Variants in CLCN7 observed in about 807,000 individuals in gnomAD.
CLCN7 encodes the protein Cl-/H+ antiporter 7, also known as H(+)/Cl(-) exchange transporter 7.
Under a neutral mutation model 102.1 loss-of-function variants are expected in CLCN7, and 60 were observed. The observed-to-expected ratio is 0.59, with a 90% CI of 0.48 to 0.73. The LOEUF (loss-of-function observed/expected upper bound fraction) is 0.73. Ranked by LOEUF, CLCN7 falls within the 30% of genes least tolerant of loss-of-function variation. The pLI is 0.00. For missense variants in CLCN7, 962 were observed against 1,125.7 expected, an observed-to-expected ratio of 0.85 and a Z score of 2.08; for synonymous variants, 560 against 490.5, an observed-to-expected ratio of 1.14 and a Z score of -1.87.
intron 1 of CLCN7, among the ~76,000 whole-genome samples, chr16:1,470,332 C>G (rs1439239331): frequency 1.3e-5 from 2 of 152,196 alleles, no homozygotes; most frequent in African/African-American, 4.8e-5. Context: ...TTCTTTACCA[C>G]AGTTTTTTTT....
chr16:1,457,317 T>C lies in CLCN7; in HGVS notation c.759A>G (p.Ser253=). 6.2e-7 allele frequency: 1 copy of C among 1,613,966 alleles called. No individual in the cohort carries two copies. Among genetic ancestry groups the C allele is most frequent in the Non-Finnish European group, 8.5e-7 (1 of 1,180,022 alleles). ...AVGKEGPMIH[S]GSVIAAGISQ... ...AGATCCCGGCGGCAATCACTGAACCTGAGTGGATCATCGGCCCTTCCTGGA... is the reference window on the plus strand; with the variant it reads ...AGATCCCGGCGGCAATCACTGAACCCGAGTGGATCATCGGCCCTTCCTGGA... Residue 253 remains serine (S), a synonymous_variant, in exon 9 of 25, where the codon TCA becomes TCG. Coordinates refer to ENST00000382745, the MANE Select transcript of CLCN7 (RefSeq NM_001287.6). The surrounding 1 kb of genome is among the most constrained non-coding windows in gnomAD (Gnocchi z 5.4).
At chr16:1,461,015 C>A in intron 4 of CLCN7, 67 bp from the exon 5 acceptor site, 1 of 1,576,676 alleles carries the variant, frequency 6.3e-7, no homozygotes, top group Non-Finnish European at 8.6e-7. Context: ...AGCAGCAGGA[C>A]CGCCCAGACC....
At chr16:1,451,118 G>A (rs926933187) in intron 16 of CLCN7, among the ~76,000 whole-genome samples, 3 of 152,238 alleles carry the variant, frequency 2.0e-5, no homozygotes, top group Middle Eastern at 3.2e-3. Flanking sequence ...GTGAAAGGCC[G>A]GCACTCCAAG....
chr16:1,474,552 G>A (rs1393883772), intron 1 of CLCN7, among the ~76,000 whole-genome samples: 3 of 152,292 alleles, frequency 2.0e-5, no homozygotes, highest in South Asian at 4.1e-4. Context: ...CGGCTGCCCC[G>A]GCGCCCCTCA....
At position 1,457,636 on chromosome 16, in the gene CLCN7, C is replaced by T. The variant is rs1344712413; in HGVS notation, c.738+58G>A. On this transcript the variant is annotated intron_variant, in intron 8 of 24. Transcript: ENST00000382745. The surrounding 1 kb of genome is among the most constrained non-coding windows in gnomAD (Gnocchi z 5.4). ...TCAGAGACACACATGGGCGTGGCGG[C>T]CCTCGCGGGCCCGGCGGCCTCAGGC... 6.4e-7 allele frequency: 1 copy of T among 1,572,592 alleles called. No individual in the cohort carries two copies. Among genetic ancestry groups the T allele is most frequent in the East Asian group, 2.2e-5 (1 of 44,546 alleles).
At chr16:1,449,538 C>T in intron 17 of CLCN7, 1 of 608,794 alleles carries the variant, frequency 1.6e-6, no homozygotes, top group Non-Finnish European at 2.9e-6. Flanking sequence ...AGCACCCGAG[C>T]AACAGGGGAG....
chr16:1,459,400 G>T, intron 6 of CLCN7: 1 of 519,142 alleles, frequency 1.9e-6, no homozygotes, highest in South Asian at 2.1e-5. Flanking sequence ...GCACACGTCG[G>T]GGCCCCAGGG....
At position 1,457,974 on chromosome 16, in the gene CLCN7, T is replaced by C. The variant is rs886493737; in HGVS notation, c.676-218A>G. ...GCACTCACTCGGGGGACCTGCCCTC[T>C]GTGGCCTCAGCACTGAGCAGGCAAG... On this transcript the variant is annotated intron_variant, in intron 7 of 24. Transcript: ENST00000382745. The surrounding 1 kb of genome is among the most constrained non-coding windows in gnomAD (Gnocchi z 5.4). Among the ~76,000 whole-genome samples the C allele has an allele frequency of 2.6e-5, 4 of 152,202 alleles. No homozygotes were observed. Among genetic ancestry groups the C allele is most frequent in the African/African-American group, 9.6e-5 (4 of 41,466 alleles).
Position 1,457,822 on chromosome 16 carries a change from A to G in CLCN7, c.676-66T>C, listed in dbSNP as rs2142383083. 2.0e-6 allele frequency: 3 copies of G among 1,485,780 alleles called. No individual in the cohort carries two copies. The highest frequency in any genetic ancestry group is 1.4e-5 in the African/African-American group (1 of 72,660). The allele number at this position is 1,485,780 out of a possible 1,614,324, so 92.0% of individuals were successfully genotyped here. On this transcript the variant is annotated intron_variant, in intron 7 of 24. Coordinates refer to ENST00000382745, the MANE Select transcript of CLCN7 (RefSeq NM_001287.6). This position sits in a 1 kb window ranked among gnomAD's most constrained non-coding sequence, Gnocchi z 5.4. ...GGCGCTGTCTTTGGACCTGAGCCGT[A>G]AAACAGCACACACAGCCCCGATCAG... is the stretch of plus-strand genomic sequence containing the variant.
chr16:1,460,554 GCTTCCCC>G, intron 5 of CLCN7, 27 bp from the exon 6 acceptor site: 1 of 1,573,690 alleles, frequency 6.4e-7, no homozygotes, highest in Non-Finnish European at 8.7e-7. Context: ...AGGGCTGGCT[GCTTCCCC>G]GTCATGACCA....
intron 2 of CLCN7, among the ~76,000 whole-genome samples, chr16:1,462,101 A>G (rs2744995): frequency 0.42 from 63,331 of 150,686 alleles, 13,638 homozygotes; most frequent in Non-Finnish European, 0.45. Flanking sequence ...AAAAAAAAAA[A>G]AGAGAACTAC....
At chr16:1,451,953 G>A (rs1205484609) in intron 15 of CLCN7, 16 of 530,392 alleles carry the variant, frequency 3.0e-5, no homozygotes, top group Non-Finnish European at 5.6e-5. Context: ...GCCCAGCAGG[G>A]GGCCGTGTCT....
At chr16:1,461,732 C>CCCCTCT in intron 2 of CLCN7, 58 bp from the exon 3 acceptor site, 1 of 1,404,764 alleles carries the variant, frequency 7.1e-7, no homozygotes, top group South Asian at 1.2e-5. Flanking sequence ...AGGAGAGAGG[C>CCCCTCT]CCCTCTCAGC....
intron 1 of CLCN7, chr16:1,474,038 C>G (rs989422973): frequency 7.1e-6 from 3 of 420,412 alleles, no homozygotes; most frequent in Non-Finnish European, 1.4e-5. Flanking sequence ...GAGCCGAGAT[C>G]GCGCCATTGC....
chr16:1,446,075 C>T lies in CLCN7; in HGVS notation c.*556G>A. On this transcript the variant is annotated 3_prime_UTR_variant, in exon 25 of 25. Coordinates refer to ENST00000382745, the MANE Select transcript of CLCN7 (RefSeq NM_001287.6). ...TCTGTGGCGCCAGTGTGAAGCTGCT[C>T]TCCGGGGCGGTCGCAGCCTCCAAAC... 6.8e-6 allele frequency: 4 copies of T among 590,398 alleles called. No homozygotes were observed. Among genetic ancestry groups the T allele is most frequent in the Non-Finnish European group, 3.0e-6 (1 of 333,022 alleles). The allele number at this position is 590,398 out of a possible 1,614,324, so 36.6% of individuals were successfully genotyped here.
chr16:1,452,900 C>T lies in CLCN7; in HGVS notation c.1215-7G>A. On this transcript the variant is annotated splice_polypyrimidine_tract_variant and splice_region_variant and intron_variant, in intron 14 of 24. Coordinates refer to ENST00000382745, the MANE Select transcript of CLCN7 (RefSeq NM_001287.6). ...GCAGGGCCGGTGGATGTACCTGGAA[C>T]CAAGAATCAGGCTGCATGGCAGGCA... is the stretch of plus-strand genomic sequence containing the variant. The T allele has an allele frequency of 6.4e-7, 1 of 1,564,026 alleles. No homozygotes were observed. Among genetic ancestry groups the T allele is most frequent in the East Asian group, 2.4e-5 (1 of 41,664 alleles).
At chr16:1,464,673 G>A (rs114616678) in intron 2 of CLCN7, among the ~76,000 whole-genome samples, 1,706 of 152,354 alleles carry the variant, frequency 0.011, 47 homozygotes, top group African/African-American at 0.039. Context: ...ATGGGGAGAA[G>A]GAGGACGCCC....
At chr16:1,462,674 A>AAAAAAAAC (rs1567273367) in intron 2 of CLCN7, among the ~76,000 whole-genome samples, 3 of 144,436 alleles carry the variant, frequency 2.1e-5, no homozygotes, top group African/African-American at 7.8e-5. Context: ...CCAAAAAAAA[A>AAAAAAAAC]AAAAAAAAAA....
Position 1,447,068 on chromosome 16 carries a change from C to T in CLCN7, c.2269G>A (p.Val757Met). 1 of 1,601,006 alleles carries T rather than the reference C, an allele frequency of 6.2e-7. No individual in the cohort carries two copies. The highest frequency in any genetic ancestry group is 1.1e-5 in the South Asian group (1 of 90,190). Residue 757 changes from valine (V) to methionine (M), a missense_variant, in exon 24 of 25, where the codon GTG (valine) becomes ATG (methionine). Val to Met is a conservative substitution (Grantham distance 21). Coordinates refer to ENST00000382745, the MANE Select transcript of CLCN7 (RefSeq NM_001287.6). ...TVPQEASLPR[V>M]FKLFRALGLR... ...CCCAGGGCCCGGAACAGCTTGAACACCCGTGGGAGCGACGCCTCCTGCAGC... is the reference window on the plus strand; with the variant it reads ...CCCAGGGCCCGGAACAGCTTGAACATCCGTGGGAGCGACGCCTCCTGCAGC...
Sources: allele counts gnomAD v4.1 joint callset (sites outside exome capture counted in the v4.1 genomes callset), GRCh38; gene constraint gnomAD v4.1.1; non-coding constraint Gnocchi (gnomAD v3.1); transcripts MANE v1.5; gene names NCBI Gene and HGNC (gene_info 2026-07-23, HGNC 2026-07-21).